CLEC4F: variants seen among roughly 807,000 people sequenced by gnomAD.
The protein encoded by CLEC4F is C-type lectin domain family 4 member F.
Under a neutral mutation model 53.4 loss-of-function variants are expected in CLEC4F, and 45 were observed. The observed-to-expected ratio is 0.84, with a 90% CI of 0.66 to 1.08. The LOEUF (loss-of-function observed/expected upper bound fraction) is 1.08. Among genes scored for constraint, CLEC4F ranks in the 50% least tolerant of loss-of-function variants. The probability of loss-of-function intolerance (pLI) is 0.00; values close to 1 mark genes in which losing one functional copy is unlikely to be tolerated. For synonymous variants in CLEC4F, 245 were observed against 257.5 expected, an observed-to-expected ratio of 0.95 and a Z score of 0.46; for missense variants, 753 against 698.2, an observed-to-expected ratio of 1.08 and a Z score of -0.88.
chr2:70,808,847 G>A lies in CLEC4F; in HGVS notation c.*424C>T, dbSNP rs529446585. On this transcript the variant is annotated 3_prime_UTR_variant, in exon 7 of 7. Transcript: ENST00000272367. ...GCCAACGGAAGGTCCCAGAGAACAA[G>A]CAGAGCTCAGAGGCTCCGAAGGCAT... The A allele has an allele frequency of 7.9e-5, 44 of 554,178 alleles. 1 individual carries two copies. In the African/African-American group the frequency reaches 8.3e-4, roughly 10 times the overall value. The allele number at this position is 554,178 out of a possible 1,614,324, so 34.3% of individuals were successfully genotyped here. A position where few individuals can be genotyped will look rare whatever the true frequency, so the allele number is the denominator to read the frequency against.
In CLEC4F at chr2:70,816,717, C is replaced by T. The variant is rs782778887; in HGVS notation, c.664G>A (p.Ala222Thr). Residue 222 changes from alanine (A) to threonine (T), a missense_variant, in exon 4 of 7, where the codon GCA becomes ACA. By Grantham distance (58) the Ala-to-Thr change is moderately conservative (BLOSUM62 0). Transcript: ENST00000272367. ...LHVLSRGLEN[A>T]NSEIQMLNAS... ...TTCAACATCTGAATTTCAGAGTTTG[C>T]ATTTTCTAAGCCTCTGCTTAGCACG... The T allele has an allele frequency of 1.7e-5, 28 of 1,614,018 alleles. No homozygotes were observed. The Admixed American group carries it at 4.7e-4, about 27-fold the overall frequency.
rs782698487 is a variant in CLEC4F at position 70,816,984 on chromosome 2, A to T, written c.397T>A (p.Ser133Thr). The change falls in exon 4 of 7, where the codon TCG becomes ACG. Residue 133 changes from serine to threonine, a missense_variant. Transcript: ENST00000272367. ...TGATCACCGAGCACCTGGAGCTGCG[A>T]ATTGACATTGTCCACTCTGCACTTC... ...MLKCRVDNVN[S>T]QLQVLGDHLG... The T allele has an allele frequency of 6.2e-7, 1 of 1,614,046 alleles. No homozygotes were observed. The highest frequency in any genetic ancestry group is 1.3e-5 in the African/African-American group (1 of 74,912).
chr2:70,824,060 G>A (rs1488506728), upstream of CLEC4F, among the ~76,000 whole-genome samples: 7 of 148,256 alleles, frequency 4.7e-5, no homozygotes, highest in Admixed American at 4.7e-4. Context: ...GAAAGAAAGA[G>A]TCTACTTGGT....
At chr2:70,817,532 G>T (rs1156671109) in intron 3 of CLEC4F, among the ~76,000 whole-genome samples, 2 of 152,158 alleles carry the variant, frequency 1.3e-5, no homozygotes, top group African/African-American at 2.4e-5. Flanking sequence ...AAGAAAATAG[G>T]TATGAATAAA....
intron 4 of CLEC4F, among the ~76,000 whole-genome samples, chr2:70,813,522 TC>T (rs1676683410): frequency 1.3e-5 from 2 of 151,424 alleles, no homozygotes; most frequent in Admixed American, 6.6e-5. Context: ...TTTCTTTCTT[TC>T]TTTCTTTCTT....
upstream of CLEC4F, among the ~76,000 whole-genome samples, chr2:70,824,961 G>A (rs1330847153): frequency 6.6e-6 from 1 of 152,162 alleles, no homozygotes; most frequent in Non-Finnish European, 1.5e-5. Flanking sequence ...AAAAAGTTCA[G>A]TACAGGAAAA....
At chr2:70,820,897 A>T (rs1174681410), upstream of CLEC4F, among the ~76,000 whole-genome samples, 1 of 152,148 alleles carries the variant, frequency 6.6e-6, no homozygotes, top group African/African-American at 2.4e-5. Flanking sequence ...CATCCTTATG[A>T]CTATGGCTGA....
At chr2:70,811,571 G>T (rs1480978601) in intron 5 of CLEC4F, 2 of 330,152 alleles carry the variant, frequency 6.1e-6, no homozygotes, top group Non-Finnish European at 1.2e-5. Context: ...CGAGCCAACA[G>T]GGGGGTAGGC....
chr2:70,823,499 A>G (rs1316779234), upstream of CLEC4F, among the ~76,000 whole-genome samples: 1 of 152,192 alleles, frequency 6.6e-6, no homozygotes, highest in African/African-American at 2.4e-5. Flanking sequence ...GAGGCCTGAG[A>G]GCTGAGGGAA....
At position 70,815,980 on chromosome 2, in the gene CLEC4F, C is replaced by G; in HGVS notation, c.1387+14G>C. 2 of 1,607,986 alleles carry G rather than the reference C, an allele frequency of 1.2e-6. No homozygotes were observed. Among genetic ancestry groups the G allele is most frequent in the Non-Finnish European group, 1.7e-6 (2 of 1,176,324 alleles). Reference sequence around the variant, plus strand: ...CTGTGCCCTCCCCAAACGCGACTCCCCTCTCCCACTTACTTTGGGTTCTTT... The same window carrying G: ...CTGTGCCCTCCCCAAACGCGACTCCGCTCTCCCACTTACTTTGGGTTCTTT... On this transcript the variant is annotated intron_variant, in intron 4 of 6. Transcript: ENST00000272367.
intron 3 of CLEC4F, among the ~76,000 whole-genome samples, chr2:70,818,081 G>A (rs1354448343): frequency 2.0e-5 from 3 of 152,112 alleles, no homozygotes; most frequent in African/African-American, 4.8e-5. Context: ...ACCCAAGATG[G>A]CAGGGACCCT....
At chr2:70,821,479 T>C (rs1553397996), upstream of CLEC4F, among the ~76,000 whole-genome samples, 1 of 132,752 alleles carries the variant, frequency 7.5e-6, no homozygotes, top group African/African-American at 2.5e-5. Flanking sequence ...CTATAACGAC[T>C]CTTAAAAAAT....
At position 70,809,604 on chromosome 2, in the gene CLEC4F, C is replaced by T. The variant is rs1489090369; in HGVS notation, c.1658+135G>A. 1.0e-5 allele frequency: 8 copies of T among 801,950 alleles called. No homozygotes were observed. The Admixed American group carries it at 1.6e-4, about 16-fold the overall frequency. 49.7% of individuals were successfully genotyped at this position (801,950 alleles called of 1,614,324 possible). A position where few individuals can be genotyped will look rare whatever the true frequency, so the allele number is the denominator to read the frequency against. On this transcript the variant is annotated intron_variant, in intron 6 of 6. Coordinates refer to ENST00000272367, the MANE Select transcript of CLEC4F (RefSeq NM_173535.3). Reference sequence around the variant, plus strand: ...ATACATGGCACACACACCACACATACACCACATACACACCACACACGTCAC... The same window carrying T: ...ATACATGGCACACACACCACACATATACCACATACACACCACACACGTCAC...
chr2:70,816,801 T>C lies in CLEC4F; in HGVS notation c.580A>G (p.Thr194Ala), dbSNP rs1553396302. Residue 194 changes from threonine (T) to alanine (A), a missense_variant, in exon 4 of 7, where the codon ACT becomes GCT. Transcript: ENST00000272367. Reference protein sequence around the residue: ...KEDLEKADALTFQTLNFLKSS... With the variant: ...KEDLEKADALAFQTLNFLKSS... ...TTTAAGAAATTCAGCGTCTGGAAAG[T>C]TAAAGCATCTGCCTTTTCAAGGTCT... is the stretch of plus-strand genomic sequence containing the variant. The C allele has an allele frequency of 6.2e-7, 1 of 1,614,188 alleles. No individual in the cohort carries two copies. Among genetic ancestry groups the C allele is most frequent in the South Asian group, 1.1e-5 (1 of 91,086 alleles).
chr2:70,809,608 A>T (rs1553393658), intron 6 of CLEC4F, 131 bp downstream of exon 6: 1 of 813,640 alleles, frequency 1.2e-6, no homozygotes, highest in Non-Finnish European at 2.0e-6. Flanking sequence ...CACATACACC[A>T]CATACACACC....
chr2:70,822,616 C>T (rs1430968283), upstream of CLEC4F, among the ~76,000 whole-genome samples: 1 of 152,186 alleles, frequency 6.6e-6, no homozygotes, highest in Admixed American at 6.5e-5. Context: ...CTCTAAAAGC[C>T]AGTGCTGGGG....
Position 70,819,759 on chromosome 2 carries a change from T to C in CLEC4F, c.178+16A>G. The C allele has an allele frequency of 1.9e-6, 3 of 1,539,662 alleles. No homozygotes were observed. The highest frequency in any genetic ancestry group is 2.6e-6 in the Non-Finnish European group (3 of 1,137,476). ...GGAGAGAAAGTTAGTGAGATTTGGG[T>C]CACCTGGGGGCTTACCCACTACAAA... On this transcript the variant is annotated intron_variant, in intron 2 of 6. Coordinates refer to ENST00000272367, the MANE Select transcript of CLEC4F (RefSeq NM_173535.3).
At chr2:70,820,363 G>C in intron 1 of CLEC4F, 100 bp downstream of exon 1, 1 of 1,055,122 alleles carries the variant, frequency 9.5e-7, no homozygotes. Context: ...AGGGTCTGGG[G>C]AGAGCAATAA....
In CLEC4F at chr2:70,815,149, C is replaced by A. The variant is rs75607617; in HGVS notation, c.1387+845G>T. Reference sequence around the variant, plus strand: ...CACTCCCTTCTGTCTCTCAGCTGCCCTCTTGTCCACAGGCCAGTCAAAGAG... The same window carrying A: ...CACTCCCTTCTGTCTCTCAGCTGCCATCTTGTCCACAGGCCAGTCAAAGAG... On this transcript the variant is annotated intron_variant, in intron 4 of 6. Transcript: ENST00000272367. 2.8e-3 allele frequency among the ~76,000 whole-genome samples: 429 copies of A among 152,254 alleles called. 1 individual carries two copies. The highest frequency in any genetic ancestry group is 9.9e-3 in the African/African-American group (412 of 41,534).
Sources: gnomAD v4.1 joint callset for allele counts (sites outside exome capture counted in the v4.1 genomes callset) on GRCh38, gnomAD v4.1.1 for gene constraint, MANE v1.5 for transcripts, NCBI Gene and HGNC (gene_info 2026-07-23, HGNC 2026-07-21) for gene names.